The following CEP170B variants were observed in gnomAD, a reference collection of about 807,000 sequenced individuals.
CEP170B encodes centrosomal protein 170B.
CEP170B carries 55 observed loss-of-function variants against 120.6 expected under a neutral mutation model. That is an observed-to-expected ratio of 0.46 (90% confidence interval 0.37 to 0.57). The LOEUF is 0.57. Ranked by LOEUF, CEP170B falls within the 20% of genes least tolerant of loss-of-function variation. The pLI is 0.00. For missense variants in CEP170B, 2,212 were observed against 2,253.3 expected, an observed-to-expected ratio of 0.98 and a Z score of 0.37; for synonymous variants, 1,033 against 954.5, an observed-to-expected ratio of 1.08 and a Z score of -1.52.
At position 104,873,022 on chromosome 14, in the gene CEP170B, G is replaced by A. The variant is rs1015401570; in HGVS notation, c.106-3234G>A. On this transcript the variant is annotated intron_variant, in intron 2 of 18. Coordinates refer to ENST00000414716, the MANE Select transcript of CEP170B (RefSeq NM_001112726.3). ...TGTTTTAAGTCTTGAGCCCTGGGCCGGGGGCCACTTCTCATTGGTGGCTGG... is the reference window on the plus strand; with the variant it reads ...TGTTTTAAGTCTTGAGCCCTGGGCCAGGGGCCACTTCTCATTGGTGGCTGG... 2.5e-4 allele frequency among the ~76,000 whole-genome samples: 38 copies of A among 152,308 alleles called. 1 individual carries two copies. Among genetic ancestry groups the A allele is most frequent in the Admixed American group, 1.4e-3 (21 of 15,300 alleles).
intron 6 of CEP170B, among the ~76,000 whole-genome samples, chr14:104,881,047 G>C (rs984391113): frequency 2.6e-5 from 4 of 151,934 alleles, no homozygotes; most frequent in African/African-American, 7.3e-5. Flanking sequence ...GGCAGGTGAT[G>C]GGGGGGTGAG....
chr14:104,894,189 A>G (rs1223569228), intron 16 of CEP170B, 96 bp from the exon 17 acceptor site: 60 of 1,010,198 alleles, frequency 5.9e-5, no homozygotes, highest in Non-Finnish European at 7.8e-5. Flanking sequence ...GCTGGGATGA[A>G]CTTCACCATG....
intron 3 of CEP170B, among the ~76,000 whole-genome samples, chr14:104,876,721 G>T (rs1271577503): frequency 6.6e-6 from 1 of 152,330 alleles, no homozygotes; most frequent in East Asian, 1.9e-4. Flanking sequence ...CTCTCAGGGA[G>T]AGTGGACCCT....
rs1409047769 is a variant in CEP170B, at chr14:104,887,237, C to G, written c.2998C>G (p.Leu1000Val). Residue 1000 changes from leucine to valine, a missense_variant, in exon 12 of 19, where the codon CTG becomes GTG. By Grantham distance (32) the Leu-to-Val change is conservative (BLOSUM62 1). Transcript: ENST00000414716. ...TGCACAGGACCCGGGAGGCACCGCCCTGGTCAGTGCCCGTGAGCAGTCCTC... is the reference window on the plus strand; with the variant it reads ...TGCACAGGACCCGGGAGGCACCGCCGTGGTCAGTGCCCGTGAGCAGTCCTC... ...PAAQDPGGTA[L>V]VSAREQSSER... is the part of the protein sequence containing the mutation. 1.2e-6 allele frequency: 2 copies of G among 1,606,568 alleles called. No homozygotes were observed. The highest frequency in any genetic ancestry group is 1.7e-6 in the Non-Finnish European group (2 of 1,179,514).
At position 104,887,366 on chromosome 14, in the gene CEP170B, T is replaced by C. The variant is rs533585890; in HGVS notation, c.3127T>C (p.Trp1043Arg). Residue 1043 changes from tryptophan (W) to arginine (R), a missense_variant, in exon 12 of 19, where the codon TGG becomes CGG. This residue lies in a region of CEP170B where 2,166 missense variants were observed against 2,166.7 expected (regional missense o/e 1.00). Coordinates refer to ENST00000414716, the MANE Select transcript of CEP170B (RefSeq NM_001112726.3). ...CCACAGGCCCCGAGGGTCCCTGGAT[T>C]GGCCCAGTGAGGAGCGTGGCCCTGT... ...RGHRPRGSLD[W>R]PSEERGPVLA... 5.6e-5 allele frequency: 90 copies of C among 1,612,096 alleles called. 1 individual carries two copies. The South Asian group carries it at 9.6e-4, about 17-fold the overall frequency.
chr14:104,875,858 TTG>T lies in CEP170B; in HGVS notation c.106-390_106-389del, dbSNP rs1895819186. Among the ~76,000 whole-genome samples, 3 of 151,516 alleles carry T rather than the reference TTG, an allele frequency of 2.0e-5. No homozygotes were observed. The South Asian group carries it at 6.3e-4, about 32-fold the overall frequency. ...CAAAGGTGTGGACACTGGCTGAGAG[TTG>T]TGTGTGTTCCTGTGGGGCTGGGCCA... is the stretch of plus-strand genomic sequence containing the variant. On this transcript the variant is annotated intron_variant, in intron 2 of 18. Transcript: ENST00000414716.
Position 104,886,615 on chromosome 14 carries a change from A to C in CEP170B, c.2376A>C (p.Pro792=), listed in dbSNP as rs1566867363. Residue 792 remains proline, a synonymous_variant, in exon 12 of 19, where the codon CCA becomes CCC. Coordinates refer to ENST00000414716, the MANE Select transcript of CEP170B (RefSeq NM_001112726.3). ...GRRSPRAPGE[P]TPASFFIGDQ... is the part of the protein sequence containing the mutation. ...GCTCACCAAGGGCCCCCGGGGAGCC[A>C]ACTCCCGCCTCTTTCTTCATTGGGG... The C allele has an allele frequency of 2.6e-6, 4 of 1,520,584 alleles. No homozygotes were observed. The African/African-American group carries it at 5.6e-5, about 21-fold the overall frequency. The allele number at this position is 1,520,584 out of a possible 1,614,324, so 94.2% of individuals were successfully genotyped here.
intron 5 of CEP170B, 31 bp downstream of exon 5, chr14:104,878,532 C>T (rs376709112): frequency 1.9e-6 from 3 of 1,604,120 alleles, no homozygotes; most frequent in Non-Finnish European, 2.6e-6. Context: ...GGTGGCTCAG[C>T]CACGAGGGCT....
Position 104,893,763 on chromosome 14 carries a change from G to A in CEP170B, c.4185G>A (p.Val1395=). The part of the protein sequence containing the change: ...NKTRPRNREE[V]IFDNLMLNPV... The stretch of plus-strand genomic sequence containing the variant: ...ATGCTGAGGCCGGGCTCTTGCAGGT[G>A]ATCTTCGATAACCTGATGCTGAACC... The change falls in exon 16 of 19, where the codon GTG becomes GTA. Residue 1395 remains valine, a splice_region_variant and synonymous_variant. Coordinates refer to ENST00000414716, the MANE Select transcript of CEP170B (RefSeq NM_001112726.3). 6.2e-7 allele frequency: 1 copy of A among 1,608,220 alleles called. No homozygotes were observed. Among genetic ancestry groups the A allele is most frequent in the East Asian group, 2.2e-5 (1 of 44,678 alleles).
rs1002786465 is a variant in CEP170B at position 104,895,596 on chromosome 14, C to T, written c.*638C>T. 3.3e-5 allele frequency: 5 copies of T among 152,844 alleles called. No homozygotes were observed. Among genetic ancestry groups the T allele is most frequent in the African/African-American group, 1.2e-4 (5 of 41,600 alleles). 9.5% of individuals were successfully genotyped at this position (152,844 alleles called of 1,614,324 possible). A position where few individuals can be genotyped will look rare whatever the true frequency, so the allele number is the denominator to read the frequency against. On this transcript the variant is annotated 3_prime_UTR_variant, in exon 19 of 19. Coordinates refer to ENST00000414716, the MANE Select transcript of CEP170B (RefSeq NM_001112726.3). ...CAAACCCATTGAGCTTGGGGCTGCC[C>T]TGTGGAGGCCTCCTGGGTATGGACC...
At position 104,894,981 on chromosome 14, in the gene CEP170B, C is replaced by A; in HGVS notation, c.*23C>A. On this transcript the variant is annotated 3_prime_UTR_variant, in exon 19 of 19. Coordinates refer to ENST00000414716, the MANE Select transcript of CEP170B (RefSeq NM_001112726.3). Reference sequence around the variant, plus strand: ...TAGGCCCCAGACCTGGCCAGGCCAGCCTCCCTGTGCGTGTGCGTCTCTGCC... The same window carrying A: ...TAGGCCCCAGACCTGGCCAGGCCAGACTCCCTGTGCGTGTGCGTCTCTGCC... The A allele has an allele frequency of 6.5e-7, 1 of 1,528,038 alleles. No individual in the cohort carries two copies. Among genetic ancestry groups the A allele is most frequent in the Non-Finnish European group, 8.8e-7 (1 of 1,133,152 alleles). 94.7% of individuals were successfully genotyped at this position (1,528,038 alleles called of 1,614,324 possible).
At chr14:104,878,555 C>T in intron 5 of CEP170B, 54 bp downstream of exon 5, 2 of 1,566,882 alleles carry the variant, frequency 1.3e-6, no homozygotes, top group Non-Finnish European at 1.7e-6. Context: ...GCCCCCCATC[C>T]TCCCCACCAT....
In CEP170B at chr14:104,872,500, G is replaced by GTGTGC. The variant is rs1895626772; in HGVS notation, c.106-3756_106-3755insTGTGC. Among the ~76,000 whole-genome samples the GTGTGC allele has an allele frequency of 4.7e-5, 6 of 127,984 alleles. No homozygotes were observed. In the South Asian group the frequency reaches 1.4e-3, roughly 30 times the overall value. 84.0% of individuals were successfully genotyped at this position (127,984 alleles called of 152,430 possible). On this transcript the variant is annotated intron_variant, in intron 2 of 18. Coordinates refer to ENST00000414716, the MANE Select transcript of CEP170B (RefSeq NM_001112726.3). ...GTGTGCGTGTGTGCCGTGTGTGTGT[G>GTGTGC]CGTGTGTAAGTGTGCATGTGCATAC...
rs866933875 is a variant in CEP170B at position 104,887,735 on chromosome 14, C to T, written c.3496C>T (p.Arg1166Cys). 6 of 1,583,686 alleles carry T rather than the reference C, an allele frequency of 3.8e-6. No homozygotes were observed. Among genetic ancestry groups the T allele is most frequent in the East Asian group, 2.3e-5 (1 of 43,668 alleles). The change falls in exon 12 of 19, where the codon CGC (arginine) becomes TGC (cysteine). Residue 1166 changes from arginine (R) to cysteine (C), a missense_variant. This residue lies in a region of CEP170B where 2,166 missense variants were observed against 2,166.7 expected (regional missense o/e 1.00). Coordinates refer to ENST00000414716, the MANE Select transcript of CEP170B (RefSeq NM_001112726.3). ...TGCTGAGCAGGCCAAGAAGCTGTCA[C>T]GCCTGGACATCCTGGCCATGCCCCG... is the stretch of plus-strand genomic sequence containing the variant. ...PAAEQAKKLS[R>C]LDILAMPRKR...
At chr14:104,873,319 C>T (rs563594188) in intron 2 of CEP170B, among the ~76,000 whole-genome samples, 37 of 149,580 alleles carry the variant, frequency 2.5e-4, no homozygotes, top group African/African-American at 6.5e-4. Flanking sequence ...AAGGTGGGTG[C>T]AGGCAGGGGA....
Position 104,886,775 on chromosome 14 carries a change from A to G in CEP170B, c.2536A>G (p.Ile846Val). The change falls in exon 12 of 19, where the codon ATC (isoleucine) becomes GTC (valine). Residue 846 changes from isoleucine to valine, a missense_variant. Physicochemically the swap from Ile to Val is conservative, Grantham distance 29 (BLOSUM62 3). Coordinates refer to ENST00000414716, the MANE Select transcript of CEP170B (RefSeq NM_001112726.3). ...VYVSANGRMV[I>V]QLRPGRSPEP... is the part of the protein sequence containing the mutation. ...TGTCAGTGCCAATGGGAGAATGGTCATCCAGCTACGGCCTGGACGGTCCCC... is the reference window on the plus strand; with the variant it reads ...TGTCAGTGCCAATGGGAGAATGGTCGTCCAGCTACGGCCTGGACGGTCCCC... 6.2e-7 allele frequency: 1 copy of G among 1,611,798 alleles called. No individual in the cohort carries two copies. Among genetic ancestry groups the G allele is most frequent in the Non-Finnish European group, 8.5e-7 (1 of 1,179,762 alleles).
rs1896951504 is a variant in CEP170B, at chr14:104,893,582, G to GAA, written c.4099_4100dup (p.Asn1367LysfsTer10). The GAA allele has an allele frequency of 6.2e-7, 1 of 1,603,812 alleles. No individual in the cohort carries two copies. Among genetic ancestry groups the GAA allele is most frequent in the Admixed American group, 1.7e-5 (1 of 58,946 alleles). On this transcript the variant is annotated frameshift_variant, in exon 15 of 19. Coordinates refer to ENST00000414716, the MANE Select transcript of CEP170B (RefSeq NM_001112726.3). LOFTEE classifies it high-confidence loss of function. Reference sequence around the variant, plus strand: ...TCCAGAAGGTGCCGCCCGGCTCGCTGAACTCTCGGGACTTTGACCAGAACA... The same window carrying GAA: ...TCCAGAAGGTGCCGCCCGGCTCGCTGAAAACTCTCGGGACTTTGACCAGAACA...
intron 5 of CEP170B, among the ~76,000 whole-genome samples, chr14:104,878,988 C>T (rs1205829986): frequency 6.6e-6 from 1 of 152,152 alleles, no homozygotes; most frequent in Non-Finnish European, 1.5e-5. Flanking sequence ...GGGCCAGCAG[C>T]CTCCCTGGGA....
chr14:104,889,905 A>AATGGATGGATGG lies in CEP170B; in HGVS notation c.3878+183_3878+194dup, dbSNP rs1160408059. Reference sequence around the variant, plus strand: ...GGCTGGCTGGCTGGATGGATGGACAAATGGATGGATGGATGGATGGATGGA... The same window carrying AATGGATGGATGG: ...GGCTGGCTGGCTGGATGGATGGACAAATGGATGGATGGATGGATGGATGGATGGATGGATGGA... On this transcript the variant is annotated intron_variant, in intron 13 of 18. Coordinates refer to ENST00000414716, the MANE Select transcript of CEP170B (RefSeq NM_001112726.3). 802 of 137,194 alleles carry AATGGATGGATGG rather than the reference A, an allele frequency of 5.8e-3. 6 individuals are homozygous for AATGGATGGATGG. The highest frequency in any genetic ancestry group is 9.1e-3 in the African/African-American group (181 of 20,000). The allele number at this position is 137,194 out of a possible 1,614,324, so 8.5% of individuals were successfully genotyped here. A position where few individuals can be genotyped will look rare whatever the true frequency, so the allele number is the denominator to read the frequency against.
Sources: allele counts gnomAD v4.1 joint callset (sites outside exome capture counted in the v4.1 genomes callset), GRCh38; gene constraint gnomAD v4.1.1; regional missense constraint gnomAD v4.1.1; transcripts MANE v1.5; gene names NCBI Gene and HGNC (gene_info 2026-07-23, HGNC 2026-07-21).